Variants in STIL observed in about 807,000 individuals in gnomAD.
The protein encoded by STIL is STIL centriolar assembly protein.
A neutral mutation model predicts 110.1 loss-of-function variants in STIL; 55 were observed. That is an observed-to-expected ratio of 0.50 (90% CI 0.40 to 0.63). STIL has a LOEUF of 0.63. STIL is among the 20% of genes least tolerant of loss of function. STIL has a pLI of 0.00. For synonymous variants in STIL, 481 were observed against 530.0 expected, an observed-to-expected ratio of 0.91 and a Z score of 1.27; for missense variants, 1,358 against 1,530.0, an observed-to-expected ratio of 0.89 and a Z score of 1.87.
At chr1:47,311,467 TG>T (rs1570312972) in intron 1 of STIL, among the ~76,000 whole-genome samples, 1 of 151,678 alleles carries the variant, frequency 6.6e-6, no homozygotes, top group South Asian at 2.1e-4. Flanking sequence ...TTGGATTTTT[TG>T]TAGAGATGGG....
At chr1:47,313,869 G>A (rs1351979373) in intron 1 of STIL, among the ~76,000 whole-genome samples, 167 bp downstream of exon 1, 1 of 152,172 alleles carries the variant, frequency 6.6e-6, no homozygotes, top group Non-Finnish European at 1.5e-5. Context: ...GATACCCAAG[G>A]ATTTCATGGA....
At chr1:47,309,550 C>T (rs1463328170) in intron 2 of STIL, among the ~76,000 whole-genome samples, 1 of 151,998 alleles carries the variant, frequency 6.6e-6, no homozygotes, top group Non-Finnish European at 1.5e-5. Context: ...GAACATCTGG[C>T]ACAAAGAAAG....
chr1:47,299,850 A>C (rs983103679), intron 6 of STIL, 55 bp downstream of exon 6: 1 of 1,557,890 alleles, frequency 6.4e-7, no homozygotes, highest in Admixed American at 1.7e-5. Context: ...TTACATGGAC[A>C]TTCTGAAAAT....
At chr1:47,278,946 T>A (rs1645067610) in intron 12 of STIL, among the ~76,000 whole-genome samples, 1 of 151,860 alleles carries the variant, frequency 6.6e-6, no homozygotes, top group Non-Finnish European at 1.5e-5. Context: ...CATTGTCTTT[T>A]TTCTGATAAA....
In STIL at chr1:47,250,283, C is replaced by T. The variant is rs1569965460; in HGVS notation, c.*853G>A. On this transcript the variant is annotated 3_prime_UTR_variant, in exon 17 of 17. Transcript: ENST00000371877. Reference sequence around the variant, plus strand: ...AGTGTGACATGTTGAAGATGTTACACCAAAACCAACCCACCATACTGCAAA... The same window carrying T: ...AGTGTGACATGTTGAAGATGTTACATCAAAACCAACCCACCATACTGCAAA... 1.1e-5 allele frequency: 2 copies of T among 175,438 alleles called. No individual in the cohort carries two copies. The highest frequency in any genetic ancestry group is 9.7e-5 in the East Asian group (1 of 10,270). 10.9% of individuals were successfully genotyped at this position (175,438 alleles called of 1,614,324 possible). A position where few individuals can be genotyped will look rare whatever the true frequency, so the allele number is the denominator to read the frequency against.
intron 6 of STIL, among the ~76,000 whole-genome samples, chr1:47,299,245 G>T (rs1645731644): frequency 1.3e-5 from 2 of 151,586 alleles, no homozygotes; most frequent in Admixed American, 1.3e-4. Context: ...TACTCAGGAG[G>T]CTGAAGTGGG....
At chr1:47,259,773 T>C (rs570119704) in intron 16 of STIL, among the ~76,000 whole-genome samples, 1 of 152,372 alleles carries the variant, frequency 6.6e-6, no homozygotes, top group African/African-American at 2.4e-5. Flanking sequence ...CAGACTTTAT[T>C]TTCTTTTTAA....
chr1:47,297,351 A>AG (rs1645671488), intron 6 of STIL, among the ~76,000 whole-genome samples: 1 of 151,576 alleles, frequency 6.6e-6, no homozygotes, highest in Non-Finnish European at 1.5e-5. Context: ...CTCAAAAAAA[A>AG]AAAAAGAATT....
intron 16 of STIL, among the ~76,000 whole-genome samples, chr1:47,255,550 C>CAAAAAA (rs60137249): frequency 8.1e-6 from 1 of 123,514 alleles, no homozygotes; most frequent in Admixed American, 8.3e-5. Context: ...CCCTGTCTCT[C>CAAAAAA]AAAAAAAAAA....
upstream of STIL, among the ~76,000 whole-genome samples, chr1:47,314,558 CTT>C (rs962368026): frequency 2.0e-5 from 3 of 152,226 alleles, no homozygotes; most frequent in Admixed American, 6.5e-5. Context: ...TTTCCAAACT[CTT>C]TACCTGAAAG....
intron 4 of STIL, 84 bp downstream of exon 4, chr1:47,302,150 G>C (rs1645822869): frequency 1.0e-6 from 1 of 982,982 alleles, no homozygotes; most frequent in Non-Finnish European, 1.6e-6. Flanking sequence ...TAAACTCCTA[G>C]GTTCAAGTGA....
At chr1:47,291,447 T>C (rs1198852261) in intron 8 of STIL, among the ~76,000 whole-genome samples, 2 of 152,060 alleles carry the variant, frequency 1.3e-5, no homozygotes, top group Non-Finnish European at 2.9e-5. Context: ...AACTCTTTAC[T>C]TGCCACTATC....
chr1:47,285,728 G>C (rs1012801851), intron 10 of STIL, among the ~76,000 whole-genome samples: 1 of 151,994 alleles, frequency 6.6e-6, no homozygotes, highest in African/African-American at 2.4e-5. Flanking sequence ...CAAAGTGCTG[G>C]GATTACAGGC....
At chr1:47,278,212 C>T (rs957198533) in intron 12 of STIL, among the ~76,000 whole-genome samples, 8 of 152,090 alleles carry the variant, frequency 5.3e-5, no homozygotes, top group African/African-American at 1.9e-4. Flanking sequence ...ATAGCAGAAG[C>T]TTTAAATGGT....
chr1:47,265,251 A>AAT, intron 14 of STIL, among the ~76,000 whole-genome samples: 1 of 148,162 alleles, frequency 6.7e-6, no homozygotes, highest in African/African-American at 2.5e-5. Flanking sequence ...AAAAAAAAAA[A>AAT]AAAAAAAAAC....
intron 2 of STIL, among the ~76,000 whole-genome samples, chr1:47,308,602 C>G (rs1557779036): frequency 6.6e-6 from 1 of 150,932 alleles, no homozygotes; most frequent in Non-Finnish European, 1.5e-5. Context: ...AGGATGGTTA[C>G]CAGAGGCTGG....
chr1:47,314,847 C>T (rs897693791), upstream of STIL, among the ~76,000 whole-genome samples: 1 of 151,900 alleles, frequency 6.6e-6, no homozygotes, highest in Non-Finnish European at 1.5e-5. Flanking sequence ...GTCTCAGCTT[C>T]CCAATTAGCT....
In STIL at chr1:47,250,901, C is replaced by T. The variant is rs1644165536; in HGVS notation, c.*235G>A. The T allele has an allele frequency of 2.0e-6, 1 of 498,540 alleles. No homozygotes were observed. The highest frequency in any genetic ancestry group is 3.5e-6 in the Non-Finnish European group (1 of 282,562). 30.9% of individuals were successfully genotyped at this position (498,540 alleles called of 1,614,324 possible). A position where few individuals can be genotyped will look rare whatever the true frequency, so the allele number is the denominator to read the frequency against. On this transcript the variant is annotated 3_prime_UTR_variant, in exon 17 of 17. Coordinates refer to ENST00000371877, the MANE Select transcript of STIL (RefSeq NM_001048166.1). ...CTACTACTTAAACTTGTAGGAATAA[C>T]TGATCTCAGGGCTTTTCTTAAAGGT...
intron 13 of STIL, among the ~76,000 whole-genome samples, chr1:47,271,330 T>C (rs1235933092): frequency 6.6e-6 from 1 of 151,860 alleles, no homozygotes; most frequent in Non-Finnish European, 1.5e-5. Context: ...TCCCAGCCCT[T>C]TGGGAGGCTG....
Sources: allele counts gnomAD v4.1 joint callset (sites outside exome capture counted in the v4.1 genomes callset), GRCh38; gene constraint gnomAD v4.1.1; transcripts MANE v1.5; gene names NCBI Gene and HGNC (gene_info 2026-07-23, HGNC 2026-07-21).